ENTREP2: variants seen among roughly 807,000 people sequenced by gnomAD.
ENTREP2 encodes protein ENTREP2.
At chr15:29,123,634 G>T in the ENTREP2 span, 1 of 1,549,784 alleles carries the variant, frequency 6.5e-7, no homozygotes, top group South Asian at 1.2e-5. Flanking sequence ...ACAGGCAGCC[G>T]TGGCAGAGCG....
chr15:29,560,746 C>T, the ENTREP2 span, among the ~76,000 whole-genome samples: 2 of 151,986 alleles, frequency 1.3e-5, no homozygotes, highest in Admixed American at 1.3e-4. Context: ...TGTGGCAGCA[C>T]CTGGCTCTTC....
the ENTREP2 span, among the ~76,000 whole-genome samples, chr15:29,551,693 TAA>T: frequency 5.5e-4 from 80 of 144,160 alleles, no homozygotes; most frequent in Middle Eastern, 7.2e-3. Flanking sequence ...AATGCCTATT[TAA>T]AAAAAAAAAA....
At chr15:29,662,379 T>C in the ENTREP2 span, among the ~76,000 whole-genome samples, 2 of 152,150 alleles carry the variant, frequency 1.3e-5, no homozygotes, top group East Asian at 1.9e-4. Context: ...TGCAGTCTTA[T>C]TGTGCCTGCT....
At chr15:29,311,837 A>G in the ENTREP2 span, among the ~76,000 whole-genome samples, 3 of 152,240 alleles carry the variant, frequency 2.0e-5, no homozygotes, top group Non-Finnish European at 4.4e-5. Flanking sequence ...CATGGAGGTT[A>G]TAGATTCAGG....
At chr15:29,165,577 T>C in the ENTREP2 span, among the ~76,000 whole-genome samples, 1 of 152,124 alleles carries the variant, frequency 6.6e-6, no homozygotes. Flanking sequence ...CTAGAAAACC[T>C]AGAAGAGTTG....
chr15:29,123,633 C>T, the ENTREP2 span: 16 of 1,549,694 alleles, frequency 1.0e-5, no homozygotes, highest in Middle Eastern at 1.7e-4. Context: ...GACAGGCAGC[C>T]GTGGCAGAGC....
At chr15:29,559,183 C>T in the ENTREP2 span, among the ~76,000 whole-genome samples, 3 of 152,112 alleles carry the variant, frequency 2.0e-5, no homozygotes, top group Non-Finnish European at 4.4e-5. Context: ...AAAGTAAGCA[C>T]TCATTAGTTC....
chr15:29,221,663 C>CTTCT, the ENTREP2 span, among the ~76,000 whole-genome samples: 4,822 of 152,198 alleles, frequency 0.032, 110 homozygotes, highest in Non-Finnish European at 0.047. Context: ...TTCTGAGGCT[C>CTTCT]TTCTGTTAAT....
At chr15:29,650,876 A>C in the ENTREP2 span, among the ~76,000 whole-genome samples, 4 of 152,184 alleles carry the variant, frequency 2.6e-5, no homozygotes, top group African/African-American at 9.6e-5. Context: ...TACATTAGCC[A>C]GGGATGATAT....
chr15:29,262,860 T>C, the ENTREP2 span, among the ~76,000 whole-genome samples: 1 of 152,172 alleles, frequency 6.6e-6, no homozygotes, highest in Non-Finnish European at 1.5e-5. Context: ...GATCTGACAC[T>C]ATCTCCAGGT....
the ENTREP2 span, among the ~76,000 whole-genome samples, chr15:29,324,809 T>C: frequency 5.9e-5 from 9 of 152,330 alleles, no homozygotes; most frequent in South Asian, 1.4e-3. Context: ...ACTATTATAG[T>C]TGAAGACTTC....
the ENTREP2 span, among the ~76,000 whole-genome samples, chr15:29,138,419 T>C: frequency 6.6e-6 from 1 of 152,242 alleles, no homozygotes; most frequent in Non-Finnish European, 1.5e-5. Flanking sequence ...AATGCCGCCC[T>C]ATGAGTGTCT....
the ENTREP2 span, among the ~76,000 whole-genome samples, chr15:29,416,342 G>A: frequency 5.9e-5 from 9 of 152,166 alleles, no homozygotes; most frequent in South Asian, 2.1e-4. Flanking sequence ...AAATAATGCC[G>A]CGTATCTACA....
the ENTREP2 span, among the ~76,000 whole-genome samples, chr15:29,518,516 A>T: frequency 6.6e-6 from 1 of 152,190 alleles, no homozygotes; most frequent in African/African-American, 2.4e-5. Flanking sequence ...CATGGACATG[A>T]GGAGGGAGAA....
the ENTREP2 span, among the ~76,000 whole-genome samples, chr15:29,332,689 G>T: frequency 1.3e-5 from 2 of 152,144 alleles, no homozygotes; most frequent in East Asian, 3.9e-4. Flanking sequence ...GCCGGGTGGG[G>T]TGGCTCATGC....
chr15:29,401,808 A>G, the ENTREP2 span, among the ~76,000 whole-genome samples: 2 of 152,338 alleles, frequency 1.3e-5, no homozygotes, highest in Middle Eastern at 6.8e-3. Context: ...ATAAAGTTTG[A>G]GGTAGATCTA....
the ENTREP2 span, among the ~76,000 whole-genome samples, chr15:29,383,401 C>A: frequency 1.3e-5 from 2 of 152,214 alleles, no homozygotes; most frequent in Non-Finnish European, 2.9e-5. Flanking sequence ...CCCTTACCCC[C>A]ATGTCCAACC....
At chr15:29,372,280 C>T in the ENTREP2 span, among the ~76,000 whole-genome samples, 3 of 152,098 alleles carry the variant, frequency 2.0e-5, no homozygotes, top group Admixed American at 6.5e-5. Flanking sequence ...TTATGATGGT[C>T]CACTTCCACT....
At chr15:29,612,533 A>G in the ENTREP2 span, 2 of 152,826 alleles carry the variant, frequency 1.3e-5, no homozygotes, top group Non-Finnish European at 2.9e-5. Context: ...CTTGCTCCAT[A>G]TATCCTTGAG....
Sources: gnomAD v4.1 joint callset for allele counts (sites outside exome capture counted in the v4.1 genomes callset) on GRCh38, gnomAD v4.1.1 for gene constraint, MANE v1.5 for transcripts, NCBI Gene and HGNC (gene_info 2026-07-23, HGNC 2026-07-21) for gene names.